Variants in ANXA4 observed in about 807,000 individuals in gnomAD.
The protein encoded by ANXA4 is annexin A4.
ANXA4 carries 39 observed loss-of-function variants against 49.8 expected under a neutral mutation model. The ratio of observed to expected loss-of-function variants is 0.78; its 90% CI spans 0.61 to 1.02. The LOEUF (loss-of-function observed/expected upper bound fraction) is 1.02. Ranked by LOEUF, ANXA4 falls within the 50% of genes least tolerant of loss-of-function variation. The pLI is 0.00. For missense variants in ANXA4, 360 were observed against 410.1 expected (o/e 0.88, Z 1.05); for synonymous variants, 134 against 152.5 (o/e 0.88, Z 0.89).
At position 69,816,165 on chromosome 2, in the gene ANXA4, G is replaced by T; in HGVS notation, c.599G>T (p.Cys200Phe). 4.3e-6 allele frequency: 7 copies of T among 1,614,116 alleles called. No individual in the cohort carries two copies. The highest frequency in any genetic ancestry group is 5.9e-6 in the Non-Finnish European group (7 of 1,179,976). ...GAGGTGAAATTTCTAACTGTTCTCT[G>T]TTCCCGGAACCGAAATCACCTGTTG... ...TDEVKFLTVL[C>F]SRNRNHLLHV... The change falls in exon 9 of 13, where the codon TGT becomes TTT. Residue 200 changes from cysteine to phenylalanine, a missense_variant. Transcript: ENST00000394295.
At chr2:69,655,266 G>T (rs1389367034) in intron 2 of ANXA4, among the ~76,000 whole-genome samples, 1 of 152,116 alleles carries the variant, frequency 6.6e-6, no homozygotes, top group Non-Finnish European at 1.5e-5. Context: ...GAAAATTTTT[G>T]CAATCTATCC....
intron 1 of ANXA4, among the ~76,000 whole-genome samples, chr2:69,764,741 A>G (rs914680895): frequency 6.6e-6 from 1 of 152,234 alleles, no homozygotes; most frequent in Non-Finnish European, 1.5e-5. Context: ...GTAACAGTTC[A>G]GTGACATTAA....
intron 3 of ANXA4, among the ~76,000 whole-genome samples, chr2:69,801,466 A>G (rs74553990): frequency 1.3e-5 from 2 of 151,318 alleles, no homozygotes; most frequent in Non-Finnish European, 2.9e-5. Context: ...ATGCACTGGC[A>G]TGATCTTGGC....
intron 2 of ANXA4, among the ~76,000 whole-genome samples, chr2:69,678,119 A>T (rs2105353043): frequency 6.6e-6 from 1 of 152,254 alleles, no homozygotes; most frequent in South Asian, 2.1e-4. Flanking sequence ...GGCGGTCTGG[A>T]ACTGAAACTG....
intron 1 of ANXA4, among the ~76,000 whole-genome samples, chr2:69,764,366 TA>T (rs1240187320): frequency 6.6e-6 from 1 of 152,242 alleles, no homozygotes; most frequent in Non-Finnish European, 1.5e-5. Flanking sequence ...AAACATGATA[TA>T]ACCCTAACCA....
chr2:69,695,938 C>A (rs1233117282), intron 2 of ANXA4, among the ~76,000 whole-genome samples: 1 of 152,066 alleles, frequency 6.6e-6, no homozygotes, highest in East Asian at 1.9e-4. Context: ...GTCATCTGAG[C>A]CTTTAGTGAG....
At chr2:69,712,638 A>T (rs1362079381) in intron 2 of ANXA4, among the ~76,000 whole-genome samples, 1 of 152,218 alleles carries the variant, frequency 6.6e-6, no homozygotes, top group Non-Finnish European at 1.5e-5. Flanking sequence ...TAATGAGGTT[A>T]TCCTGTCATT....
At chr2:69,688,966 G>C (rs1047372462) in intron 2 of ANXA4, among the ~76,000 whole-genome samples, 1 of 152,186 alleles carries the variant, frequency 6.6e-6, no homozygotes, top group African/African-American at 2.4e-5. Flanking sequence ...AGCCTACTAG[G>C]TTGATCATAG....
chr2:69,681,583 G>T (rs1011927342), intron 2 of ANXA4, among the ~76,000 whole-genome samples: 1 of 151,830 alleles, frequency 6.6e-6, no homozygotes, highest in Non-Finnish European at 1.5e-5. Context: ...CCACCTGCCT[G>T]GGCCTTCCAA....
At chr2:69,794,860 C>A (rs1005165935) in intron 3 of ANXA4, among the ~76,000 whole-genome samples, 1 of 152,106 alleles carries the variant, frequency 6.6e-6, no homozygotes, top group African/African-American at 2.4e-5. Context: ...GTTTGAGTTT[C>A]TTTTATGAGG....
chr2:69,783,125 A>C (rs780040630), intron 2 of ANXA4, among the ~76,000 whole-genome samples: 1 of 152,220 alleles, frequency 6.6e-6, no homozygotes, highest in Non-Finnish European at 1.5e-5. Context: ...TCTCTATGCT[A>C]ATGAGATAAT....
chr2:69,787,039 A>G (rs746336022), intron 2 of ANXA4, among the ~76,000 whole-genome samples: 13 of 152,088 alleles, frequency 8.5e-5, no homozygotes, highest in Non-Finnish European at 1.5e-4. Flanking sequence ...TCTTCTTTAT[A>G]TCCACTTCCT....
chr2:69,743,845 A>G (rs148407350), intron 1 of ANXA4, among the ~76,000 whole-genome samples: 59 of 152,282 alleles, frequency 3.9e-4, no homozygotes, highest in Middle Eastern at 6.8e-3. Flanking sequence ...AGCAATTTAG[A>G]GAGTAACCCG....
chr2:69,785,980 A>G, intron 2 of ANXA4, among the ~76,000 whole-genome samples: 1 of 152,170 alleles, frequency 6.6e-6, no homozygotes. Flanking sequence ...CATTTCATCA[A>G]GTACCACCCA....
chr2:69,685,120 A>C (rs1677741386), intron 2 of ANXA4, among the ~76,000 whole-genome samples: 1 of 152,174 alleles, frequency 6.6e-6, no homozygotes, highest in Admixed American at 6.6e-5. Context: ...GCCAGAAAAA[A>C]ATGTAGATAA....
At position 69,826,087 on chromosome 2, in the gene ANXA4, C is replaced by T. The variant is rs976547614; in HGVS notation, c.*572C>T. ...TTTTCATGGGAGACTTCCTTCATCA[C>T]ATCTTATGTTGAAATCACTTTCTGT... On this transcript the variant is annotated 3_prime_UTR_variant, in exon 13 of 13. Coordinates refer to ENST00000394295, the MANE Select transcript of ANXA4 (RefSeq NM_001153.5). The T allele has an allele frequency of 1.3e-5, 2 of 152,616 alleles. No homozygotes were observed. The highest frequency in any genetic ancestry group is 1.9e-4 in the East Asian group (1 of 5,204). 9.5% of individuals were successfully genotyped at this position (152,616 alleles called of 1,614,324 possible).
At chr2:69,659,521 C>T (rs149924514) in intron 2 of ANXA4, among the ~76,000 whole-genome samples, 30 of 152,298 alleles carry the variant, frequency 2.0e-4, no homozygotes, top group African/African-American at 6.7e-4. Flanking sequence ...TAGCTCACTG[C>T]AACCTTGAAC....
intron 3 of ANXA4, among the ~76,000 whole-genome samples, chr2:69,730,610 G>A (rs1367893621): frequency 2.0e-5 from 3 of 152,204 alleles, no homozygotes; most frequent in African/African-American, 7.2e-5. Flanking sequence ...CCCACTGTCT[G>A]CTCAGTATCC....
intron 1 of ANXA4, among the ~76,000 whole-genome samples, chr2:69,761,391 A>C (rs974114817): frequency 6.6e-6 from 1 of 152,190 alleles, no homozygotes; most frequent in Non-Finnish European, 1.5e-5. Context: ...CCAATAACTA[A>C]ATCAAGTACC....
Sources: gnomAD v4.1 joint callset for allele counts (sites outside exome capture counted in the v4.1 genomes callset) on GRCh38, gnomAD v4.1.1 for gene constraint, MANE v1.5 for transcripts, NCBI Gene and HGNC (gene_info 2026-07-23, HGNC 2026-07-21) for gene names.